The following MAP3K4 variants were observed in gnomAD, a reference collection of about 807,000 sequenced individuals.
MAP3K4 encodes mitogen-activated protein kinase kinase kinase 4, also known as MAP three kinase 1.
In MAP3K4, 67 loss-of-function variants were observed where a neutral mutation model predicts 185.6. That is an observed-to-expected ratio of 0.36 (90% CI 0.30 to 0.44). The LOEUF (loss-of-function observed/expected upper bound fraction) is 0.44. Ranked by LOEUF, MAP3K4 falls within the 20% of genes least tolerant of loss-of-function variation. The pLI is 1.00. For synonymous variants in MAP3K4, 702 were observed against 710.4 expected (o/e 0.99, Z 0.19); for missense variants, 1,551 against 1,995.1 (o/e 0.78, Z 4.24).
rs551032975 is a variant in MAP3K4, at chr6:161,108,498, A to G, written c.4120-245A>G. ...GCCGTGGAGCCGCGTCCTCCTCCAC[A>G]TGGCGCTCCTCACTCCCTCTCGGAG... On this transcript the variant is annotated intron_variant, in intron 21 of 26. Transcript: ENST00000392142. This position sits in a 1 kb window ranked among gnomAD's most constrained non-coding sequence, Gnocchi z 5.7. 6.6e-4 allele frequency among the ~76,000 whole-genome samples: 101 copies of G among 152,162 alleles called. No individual in the cohort carries two copies. Among genetic ancestry groups the G allele is most frequent in the Non-Finnish European group, 7.1e-4 (48 of 67,996 alleles).
chr6:161,038,693 G>T (rs1380488337), intron 2 of MAP3K4, among the ~76,000 whole-genome samples: 1 of 152,190 alleles, frequency 6.6e-6, no homozygotes, highest in Non-Finnish European at 1.5e-5. Flanking sequence ...GTGTAGGCAG[G>T]GTACAGGTCA....
In MAP3K4 at chr6:161,106,721, A is replaced by T. The variant is rs1170654488; in HGVS notation, c.4048+16A>T. 2 of 1,598,022 alleles carry T rather than the reference A, an allele frequency of 1.3e-6. No homozygotes were observed. The highest frequency in any genetic ancestry group is 2.7e-5 in the African/African-American group (2 of 74,442). On this transcript the variant is annotated intron_variant, in intron 20 of 26. Transcript: ENST00000392142. The surrounding 1 kb of genome is among the most constrained non-coding windows in gnomAD (Gnocchi z 4.9). ...AACAAAATTGGTAAGGAAATTAAGG[A>T]GCATGATGTCAAGATAGTCCCTGTT...
chr6:161,013,428 A>G (rs1781939377), intron 1 of MAP3K4, among the ~76,000 whole-genome samples: 1 of 152,208 alleles, frequency 6.6e-6, no homozygotes, highest in Non-Finnish European at 1.5e-5. Context: ...AGACTTAAGC[A>G]TTCTTATAGT....
At chr6:161,055,966 T>G (rs1784217993) in intron 3 of MAP3K4, among the ~76,000 whole-genome samples, 1 of 152,168 alleles carries the variant, frequency 6.6e-6, no homozygotes, top group African/African-American at 2.4e-5. Flanking sequence ...AGATGGAAGT[T>G]TTGCTTCTTC....
chr6:161,050,041 A>G, intron 3 of MAP3K4, 62 bp downstream of exon 3: 1 of 1,451,368 alleles, frequency 6.9e-7, no homozygotes, highest in Non-Finnish European at 9.3e-7. Context: ...ATTGCAAATT[A>G]TAATGTTGGT....
Position 161,017,649 on chromosome 6 carries a change from GT to G in MAP3K4, c.153-16606del, listed in dbSNP as rs1407681045. Among the ~76,000 whole-genome samples, 2 of 152,132 alleles carry G rather than the reference GT, an allele frequency of 1.3e-5. No homozygotes were observed. The highest frequency in any genetic ancestry group is 4.8e-5 in the African/African-American group (2 of 41,428). On this transcript the variant is annotated intron_variant, in intron 1 of 26. Coordinates refer to ENST00000392142, the MANE Select transcript of MAP3K4 (RefSeq NM_005922.4). This position sits in a 1 kb window ranked among gnomAD's most constrained non-coding sequence, Gnocchi z 5.1. ...GGGTTGAATTTGACTATCTGTAAGT[GT>G]TTTAGCCTCCAAAATGAGGTGATTT...
chr6:161,029,739 G>C (rs1020543214), intron 1 of MAP3K4, among the ~76,000 whole-genome samples: 1 of 152,146 alleles, frequency 6.6e-6, no homozygotes, highest in African/African-American at 2.4e-5. Context: ...TCACATGAAC[G>C]ATTACAAAAT....
At chr6:161,058,486 G>A (rs892637351) in intron 3 of MAP3K4, among the ~76,000 whole-genome samples, 2 of 152,166 alleles carry the variant, frequency 1.3e-5, no homozygotes, top group Non-Finnish European at 2.9e-5. Flanking sequence ...GAAGGGTAAT[G>A]TAAAGGCTAT....
chr6:161,034,387 G>T lies in MAP3K4; in HGVS notation c.281G>T (p.Arg94Leu). 2 of 1,613,842 alleles carry T rather than the reference G, an allele frequency of 1.2e-6. No individual in the cohort carries two copies. The highest frequency in any genetic ancestry group is 2.2e-5 in the East Asian group (1 of 44,862). ...SPPSTPRQMK[R>L]MSTKHQRNNV... ...CCCAGCACACCTCGACAGATGAAAC[G>T]CATGTCAACCAAACATCAGAGGAAT... Residue 94 changes from arginine (R) to leucine (L), a missense_variant, in exon 2 of 27, where the codon CGC becomes CTC. Arg to Leu is a moderately radical substitution (Grantham distance 102, BLOSUM62 -2). This residue lies in a region of MAP3K4 where 287 missense variants were observed against 268.8 expected (regional missense o/e 1.07). Coordinates refer to ENST00000392142, the MANE Select transcript of MAP3K4 (RefSeq NM_005922.4). The surrounding 1 kb of genome is among the most constrained non-coding windows in gnomAD (Gnocchi z 4.4).
chr6:161,028,443 T>C (rs1782773761), intron 1 of MAP3K4, among the ~76,000 whole-genome samples: 1 of 152,166 alleles, frequency 6.6e-6, no homozygotes, highest in Non-Finnish European at 1.5e-5. Flanking sequence ...AATAGTGAAA[T>C]GTTATTGTAT....
rs116782068 is a variant in MAP3K4, at chr6:161,037,713, C to T, written c.343+3264C>T. Among the ~76,000 whole-genome samples the T allele has an allele frequency of 7.0e-4, 106 of 152,196 alleles. No individual in the cohort carries two copies. Among genetic ancestry groups the T allele is most frequent in the African/African-American group, 2.5e-3 (102 of 41,528 alleles). On this transcript the variant is annotated intron_variant, in intron 2 of 26. Transcript: ENST00000392142. This position sits in a 1 kb window ranked among gnomAD's most constrained non-coding sequence, Gnocchi z 4.2. Reference sequence around the variant, plus strand: ...GATTATAGGCACGAGCAACCATGACCGGTTGTAAAGTCAGGATTTCTTCCC... The same window carrying T: ...GATTATAGGCACGAGCAACCATGACTGGTTGTAAAGTCAGGATTTCTTCCC...
rs1784889640 is a variant in MAP3K4 at position 161,070,522 on chromosome 6, T to C, written c.1708-86T>C. ...AATTTTTGTAGATTTGTTAGCACATTGTAGAGAATAAGAGTTTATAACCAC... is the reference window on the plus strand; with the variant it reads ...AATTTTTGTAGATTTGTTAGCACATCGTAGAGAATAAGAGTTTATAACCAC... On this transcript the variant is annotated intron_variant, in intron 3 of 26. Coordinates refer to ENST00000392142, the MANE Select transcript of MAP3K4 (RefSeq NM_005922.4). This position sits in a 1 kb window ranked among gnomAD's most constrained non-coding sequence, Gnocchi z 4.5. The C allele has an allele frequency of 1.9e-6, 2 of 1,071,976 alleles. No homozygotes were observed. The highest frequency in any genetic ancestry group is 2.7e-6 in the Non-Finnish European group (2 of 749,334). The allele number at this position is 1,071,976 out of a possible 1,614,324, so 66.4% of individuals were successfully genotyped here. A position where few individuals can be genotyped will look rare whatever the true frequency, so the allele number is the denominator to read the frequency against.
chr6:160,997,264 C>G (rs1255814284), intron 1 of MAP3K4, among the ~76,000 whole-genome samples: 5 of 152,104 alleles, frequency 3.3e-5, no homozygotes, highest in Non-Finnish European at 5.9e-5. Context: ...TCCCACCACC[C>G]CTCGCCAAGA....
At chr6:161,041,619 A>G (rs900336097) in intron 2 of MAP3K4, among the ~76,000 whole-genome samples, 1 of 152,240 alleles carries the variant, frequency 6.6e-6, no homozygotes, top group Non-Finnish European at 1.5e-5. Flanking sequence ...TCAGGAGCAC[A>G]GGAAATCATC....
intron 1 of MAP3K4, among the ~76,000 whole-genome samples, chr6:161,011,264 C>G (rs1401023391): frequency 6.6e-6 from 1 of 152,102 alleles, no homozygotes; most frequent in East Asian, 1.9e-4. Context: ...GCAGAGGTTC[C>G]TAAACAGGCA....
rs1298243882 is a variant in MAP3K4 at position 161,116,510 on chromosome 6, G to A, written c.4807-340G>A. On this transcript the variant is annotated intron_variant, in intron 26 of 26. Transcript: ENST00000392142. The surrounding 1 kb of genome is among the most constrained non-coding windows in gnomAD (Gnocchi z 6.2). ...CTCTTATTGGTAAGTGGGAGTAAGG[G>A]GCAAGCAGCAGGATCAGCTATGGAG... Among the ~76,000 whole-genome samples, 1 of 152,070 alleles carries A rather than the reference G, an allele frequency of 6.6e-6. No individual in the cohort carries two copies. Among genetic ancestry groups the A allele is most frequent in the Non-Finnish European group, 1.5e-5 (1 of 68,022 alleles).
Position 161,086,396 on chromosome 6 carries a change from T to A in MAP3K4, c.2390T>A (p.Ile797Asn). The A allele has an allele frequency of 6.2e-7, 1 of 1,613,186 alleles. No individual in the cohort carries two copies. Among genetic ancestry groups the A allele is most frequent in the Non-Finnish European group, 8.5e-7 (1 of 1,179,444 alleles). Reference protein sequence around the residue: ...SDEIRRSVIEISRALKELFHE... With the variant: ...SDEIRRSVIENSRALKELFHE... ...CTTGGCAGGAGGTCTGTTATAGAGATCAGTCGAGCCCTGAAGGAGCTCTTC... is the reference window on the plus strand; with the variant it reads ...CTTGGCAGGAGGTCTGTTATAGAGAACAGTCGAGCCCTGAAGGAGCTCTTC... The change falls in exon 8 of 27, where the codon ATC (isoleucine) becomes AAC (asparagine). Residue 797 changes from isoleucine (I) to asparagine (N), a missense_variant. By Grantham distance (149) the Ile-to-Asn change is moderately radical. Coordinates refer to ENST00000392142, the MANE Select transcript of MAP3K4 (RefSeq NM_005922.4). This position sits in a 1 kb window ranked among gnomAD's most constrained non-coding sequence, Gnocchi z 4.8.
At chr6:161,079,649 A>G (rs558920037) in intron 5 of MAP3K4, among the ~76,000 whole-genome samples, 4 of 152,314 alleles carry the variant, frequency 2.6e-5, no homozygotes, top group African/African-American at 9.6e-5. Context: ...GTCCTCAGGA[A>G]GGAAAAACAC....
In MAP3K4 at chr6:161,056,749, T is replaced by C. The variant is rs1394220692; in HGVS notation, c.1707+6770T>C. 6.6e-6 allele frequency among the ~76,000 whole-genome samples: 1 copy of C among 152,210 alleles called. No individual in the cohort carries two copies. The highest frequency in any genetic ancestry group is 1.5e-5 in the Non-Finnish European group (1 of 68,026). ...CTCCAAAGTAACTTAGGTCAGCACC[T>C]TTTTCCTTCACCTTCCTCAGTGAGG... On this transcript the variant is annotated intron_variant, in intron 3 of 26. Coordinates refer to ENST00000392142, the MANE Select transcript of MAP3K4 (RefSeq NM_005922.4). The surrounding 1 kb of genome is among the most constrained non-coding windows in gnomAD (Gnocchi z 5.4).
Sources: allele counts gnomAD v4.1 joint callset (sites outside exome capture counted in the v4.1 genomes callset), GRCh38; gene constraint gnomAD v4.1.1; regional missense constraint gnomAD v4.1.1; non-coding constraint Gnocchi (gnomAD v3.1); transcripts MANE v1.5; gene names NCBI Gene and HGNC (gene_info 2026-07-23, HGNC 2026-07-21).